The following RECQL variants were observed in gnomAD, a reference collection of about 807,000 sequenced individuals.
RECQL encodes ATP-dependent DNA helicase Q1.
Under a neutral mutation model 75.8 loss-of-function variants are expected in RECQL, and 73 were observed. The observed-to-expected ratio is 0.96, with a 90% CI of 0.80 to 1.17. RECQL has a LOEUF of 1.17. Ranked by LOEUF, RECQL falls within the 50% of genes most tolerant of loss-of-function variation. The probability of loss-of-function intolerance (pLI) is 0.00; values close to 1 mark genes in which losing one functional copy is unlikely to be tolerated. For missense variants in RECQL, 699 were observed against 772.1 expected, an observed-to-expected ratio of 0.91 and a Z score of 1.12; for synonymous variants, 248 against 254.4, an observed-to-expected ratio of 0.97 and a Z score of 0.24.
chr12:21,481,287 G>C (rs1172480294), intron 6 of RECQL, among the ~76,000 whole-genome samples: 1 of 152,108 alleles, frequency 6.6e-6, no homozygotes, highest in Non-Finnish European at 1.5e-5. Flanking sequence ...AGTTCTTTTG[G>C]GGGAATTTAG....
intron 5 of RECQL, among the ~76,000 whole-genome samples, chr12:21,485,098 T>C (rs1315101334): frequency 6.6e-6 from 1 of 151,062 alleles, no homozygotes; most frequent in East Asian, 1.9e-4. Flanking sequence ...GATGAAAAAC[T>C]GATAACCAGA....
intron 2 of RECQL, among the ~76,000 whole-genome samples, chr12:21,492,283 G>A (rs1429452247): frequency 6.6e-6 from 1 of 152,118 alleles, no homozygotes; most frequent in Non-Finnish European, 1.5e-5. Flanking sequence ...ATTGGAATTG[G>A]CATTTTATCT....
chr12:21,478,262 C>A (rs1331641167), intron 6 of RECQL, among the ~76,000 whole-genome samples: 7 of 152,070 alleles, frequency 4.6e-5, no homozygotes, highest in Admixed American at 3.3e-4. Flanking sequence ...CCCCTGCTAC[C>A]ACCTAGTGTC....
Position 21,475,841 on chromosome 12 carries a change from G to A in RECQL, c.950-17C>T, listed in dbSNP as rs1451374512. 4.4e-6 allele frequency: 7 copies of A among 1,596,698 alleles called. No homozygotes were observed. The highest frequency in any genetic ancestry group is 1.7e-5 in the Admixed American group (1 of 59,884). ...ATATGATTCCTGCAGTAAAATATGT[G>A]CATTTGTTAGATAGATATGGCATAT... On this transcript the variant is annotated splice_polypyrimidine_tract_variant and intron_variant, in intron 8 of 14. Coordinates refer to ENST00000444129, the MANE Select transcript of RECQL (RefSeq NM_002907.4).
Position 21,501,616 on chromosome 12 carries a change from A to G in RECQL, c.-492T>C. 2 of 403,138 alleles carry G rather than the reference A, an allele frequency of 5.0e-6. No individual in the cohort carries two copies. The highest frequency in any genetic ancestry group is 6.6e-5 in the South Asian group (2 of 30,248). The allele number at this position is 403,138 out of a possible 1,614,324, so 25.0% of individuals were successfully genotyped here. On this transcript the variant is annotated 5_prime_UTR_variant, in exon 1 of 15. Transcript: ENST00000444129. ...TACTCGGGAGTAAAATCTTCCCGCC[A>G]GCCAGCTGAGAGCATCCACCCTTCC... is the stretch of plus-strand genomic sequence containing the variant.
intron 3 of RECQL, among the ~76,000 whole-genome samples, chr12:21,490,742 T>C (rs1157090044): frequency 6.6e-6 from 1 of 152,024 alleles, no homozygotes; most frequent in African/African-American, 2.4e-5. Context: ...TAGTCCCAGC[T>C]ACTAAGGAGG....
chr12:21,483,683 G>A, intron 5 of RECQL, 109 bp from the exon 6 acceptor site: 1 of 753,850 alleles, frequency 1.3e-6, no homozygotes, highest in Non-Finnish European at 2.1e-6. Flanking sequence ...ATAGCCTTTG[G>A]CTCTTCTAGG....
Position 21,471,496 on chromosome 12 carries a change from CACA to C in RECQL, c.1596_1598del (p.Val533del), listed in dbSNP as rs1565561660. 4 of 1,613,014 alleles carry C rather than the reference CACA, an allele frequency of 2.5e-6. No individual in the cohort carries two copies. Among genetic ancestry groups the C allele is most frequent in the Admixed American group, 3.3e-5 (2 of 59,878 alleles). ...GATCTTCACGAGGAAGTGTGGGAGCCACAACACCTGCTACTCTCAGTTTTGCTG... is the reference window on the plus strand; with the variant it reads ...GATCTTCACGAGGAAGTGTGGGAGCCACACCTGCTACTCTCAGTTTTGCTG... On this transcript the variant is annotated inframe_deletion, in exon 13 of 15. Transcript: ENST00000444129.
intron 5 of RECQL, among the ~76,000 whole-genome samples, chr12:21,484,780 G>A (rs1943258292): frequency 6.6e-6 from 1 of 151,528 alleles, no homozygotes; most frequent in Admixed American, 6.6e-5. Context: ...TGATTCCAAA[G>A]GTGAATCATA....
chr12:21,477,771 A>T (rs1032694075), intron 7 of RECQL, 32 bp downstream of exon 7: 1 of 1,547,484 alleles, frequency 6.5e-7, no homozygotes, highest in Admixed American at 1.8e-5. Flanking sequence ...AATTCTTCAC[A>T]AAAGTAAGGA....
rs183951716 is a variant in RECQL, at chr12:21,490,500, G to A, written c.215-122C>T. Reference sequence around the variant, plus strand: ...AGACCATTAAACTTTTATGATAATAGTTTTGAGATTAACTCACTAGCTAAG... The same window carrying A: ...AGACCATTAAACTTTTATGATAATAATTTTGAGATTAACTCACTAGCTAAG... On this transcript the variant is annotated intron_variant, in intron 3 of 14. Coordinates refer to ENST00000444129, the MANE Select transcript of RECQL (RefSeq NM_002907.4). 464 of 607,546 alleles carry A rather than the reference G, an allele frequency of 7.6e-4. No individual in the cohort carries two copies. The African/African-American group carries it at 7.7e-3, about 10-fold the overall frequency. The allele number at this position is 607,546 out of a possible 1,614,324, so 37.6% of individuals were successfully genotyped here.
At position 21,470,100 on chromosome 12, in the gene RECQL, A is replaced by G. The variant is rs1158776234; in HGVS notation, c.*94T>C. On this transcript the variant is annotated 3_prime_UTR_variant, in exon 15 of 15. Coordinates refer to ENST00000444129, the MANE Select transcript of RECQL (RefSeq NM_002907.4). ...ATAGATCCATACATATAAAATATCT[A>G]TGAAATTCTTTTAAAAACTATTGTC... 4.1e-6 allele frequency: 5 copies of G among 1,220,348 alleles called. No individual in the cohort carries two copies. The highest frequency in any genetic ancestry group is 1.5e-5 in the African/African-American group (1 of 65,044). The allele number at this position is 1,220,348 out of a possible 1,614,324, so 75.6% of individuals were successfully genotyped here.
At chr12:21,498,222 A>T (rs1943543923) in intron 2 of RECQL, among the ~76,000 whole-genome samples, 1 of 152,242 alleles carries the variant, frequency 6.6e-6, no homozygotes, top group Non-Finnish European at 1.5e-5. Context: ...GGCATTTTGC[A>T]GACTCAATTA....
intron 2 of RECQL, among the ~76,000 whole-genome samples, chr12:21,495,456 C>T (rs895552842): frequency 9.9e-5 from 15 of 152,010 alleles, no homozygotes; most frequent in East Asian, 3.9e-4. Flanking sequence ...ATTAGCCAGG[C>T]GTGGTGGCGG....
At chr12:21,478,445 T>C (rs1943128581) in intron 6 of RECQL, among the ~76,000 whole-genome samples, 1 of 152,142 alleles carries the variant, frequency 6.6e-6, no homozygotes, top group Non-Finnish European at 1.5e-5. Flanking sequence ...ACATGCTAAG[T>C]AGAGGACTAC....
chr12:21,491,612 C>CA lies in RECQL; in HGVS notation c.120_121insT (p.Val41CysfsTer14), dbSNP rs771968849. On this transcript the variant is annotated frameshift_variant, in exon 3 of 15. Coordinates refer to ENST00000444129, the MANE Select transcript of RECQL (RefSeq NM_002907.4). LOFTEE classifies it high-confidence loss of function. ...CACTGCTTTATTTTCTTTGTCAGGA[C>CA]TTTTTTTTTCTGAATAAGCTCTTGT... 1.6e-5 allele frequency: 25 copies of CA among 1,608,132 alleles called. No homozygotes were observed. The highest frequency in any genetic ancestry group is 8.5e-7 in the Non-Finnish European group (1 of 1,176,434).
At chr12:21,495,814 A>G (rs530049100) in intron 2 of RECQL, among the ~76,000 whole-genome samples, 2 of 152,294 alleles carry the variant, frequency 1.3e-5, no homozygotes, top group South Asian at 4.1e-4. Flanking sequence ...AAGTCAGTGT[A>G]AGGGCAGGGT....
intron 10 of RECQL, 31 bp from the exon 11 acceptor site, chr12:21,475,010 AT>A: frequency 6.3e-7 from 1 of 1,598,100 alleles, no homozygotes; most frequent in Non-Finnish European, 8.6e-7. Context: ...AGATTGCAGA[AT>A]TACATTTACA....
At chr12:21,477,220 T>G (rs572762751) in intron 7 of RECQL, among the ~76,000 whole-genome samples, 1 of 152,150 alleles carries the variant, frequency 6.6e-6, no homozygotes, top group African/African-American at 2.4e-5. Context: ...ACATGAGCAG[T>G]GAATAACTTG....
Sources: allele counts gnomAD v4.1 joint callset (sites outside exome capture counted in the v4.1 genomes callset), GRCh38; gene constraint gnomAD v4.1.1; transcripts MANE v1.5; gene names NCBI Gene and HGNC (gene_info 2026-07-23, HGNC 2026-07-21).